The following TIAM1 variants were observed in gnomAD, a reference collection of about 807,000 sequenced individuals.
The protein encoded by TIAM1 is rho guanine nucleotide exchange factor TIAM1.
In TIAM1, 65 loss-of-function variants were observed where a neutral mutation model predicts 163.5. The observed-to-expected ratio is 0.40, with a 90% CI of 0.33 to 0.49. The LOEUF is 0.49. TIAM1 is among the 20% of genes least tolerant of loss of function. The probability of loss-of-function intolerance (pLI) is 0.77; values close to 1 mark genes in which losing one functional copy is unlikely to be tolerated. For missense variants in TIAM1, 1,789 were observed against 2,044.7 expected (o/e 0.87, Z 2.41); for synonymous variants, 833 against 810.1 (o/e 1.03, Z -0.48).
chr21:31,339,232 G>T lies in TIAM1; in HGVS notation c.-189+11C>A, dbSNP rs1025928811. 2.5e-6 allele frequency: 1 copy of T among 397,752 alleles called. No individual in the cohort carries two copies. 24.6% of individuals were successfully genotyped at this position (397,752 alleles called of 1,614,324 possible). ...CCTCATTCCCCAGCCTTTTGCAAAC[G>T]CCACACTTACCCCATTGGAAACAGA... On this transcript the variant is annotated intron_variant, in intron 2 of 27. Coordinates refer to ENST00000541036, the MANE Select transcript of TIAM1 (RefSeq NM_001353694.2).
intron 5 of TIAM1, among the ~76,000 whole-genome samples, chr21:31,251,497 A>G (rs1246232795): frequency 6.6e-6 from 1 of 152,200 alleles, no homozygotes; most frequent in Non-Finnish European, 1.5e-5. Context: ...CCAGATGACT[A>G]GATTCTAGAA....
At chr21:31,302,177 A>T (rs2074532375) in intron 2 of TIAM1, among the ~76,000 whole-genome samples, 1 of 152,080 alleles carries the variant, frequency 6.6e-6, no homozygotes, top group Admixed American at 6.6e-5. Flanking sequence ...TAAAAAATGT[A>T]TATATCTCCA....
intron 2 of TIAM1, among the ~76,000 whole-genome samples, chr21:31,298,622 A>G (rs1420091726): frequency 6.6e-6 from 1 of 152,020 alleles, no homozygotes; most frequent in African/African-American, 2.4e-5. Context: ...ATCAACCATA[A>G]AAGTACCACA....
chr21:31,210,786 G>GA (rs371525859), intron 10 of TIAM1, among the ~76,000 whole-genome samples: 5 of 140,920 alleles, frequency 3.5e-5, no homozygotes, highest in Non-Finnish European at 7.4e-5. Flanking sequence ...AAGAAAGAAA[G>GA]AAAGAAAGAA....
chr21:31,319,530 G>C (rs2075240537), intron 2 of TIAM1, among the ~76,000 whole-genome samples: 1 of 152,026 alleles, frequency 6.6e-6, no homozygotes, highest in Non-Finnish European at 1.5e-5. Context: ...TGTAATCCCA[G>C]CACTTTGGGA....
intron 19 of TIAM1, among the ~76,000 whole-genome samples, chr21:31,152,021 CTTTTTTTTTTT>C (rs754817467): frequency 2.7e-5 from 3 of 112,298 alleles, no homozygotes; most frequent in South Asian, 3.1e-4. Flanking sequence ...CCAGAAGTGC[CTTTTTTTTTTT>C]TTTTTTTTTT....
At position 31,460,812 on chromosome 21, in the gene TIAM1, T is replaced by G. The variant is rs542823399; in HGVS notation, c.-369+3171A>C. Among the ~76,000 whole-genome samples, 190 of 152,348 alleles carry G rather than the reference T, an allele frequency of 1.2e-3. 1 individual carries two copies. The highest frequency in any genetic ancestry group is 4.4e-3 in the African/African-American group (183 of 41,578). Reference sequence around the variant, plus strand: ...ATCTTTGGTAAGCTATTTTACTGTTTTAATTCTTTTCTTCCACCATTTTTA... The same window carrying G: ...ATCTTTGGTAAGCTATTTTACTGTTGTAATTCTTTTCTTCCACCATTTTTA... On this transcript the variant is annotated intron_variant, in intron 2 of 28. Transcript: ENST00000286827.
At chr21:31,158,948 G>T (rs2083762296) in intron 16 of TIAM1, among the ~76,000 whole-genome samples, 1 of 152,128 alleles carries the variant, frequency 6.6e-6, no homozygotes, top group Non-Finnish European at 1.5e-5. Flanking sequence ...ACCAAGCGCT[G>T]TAGCCACAAG....
At chr21:31,528,204 A>G (rs932163583) in intron 1 of TIAM1, among the ~76,000 whole-genome samples, 1 of 152,162 alleles carries the variant, frequency 6.6e-6, no homozygotes, top group African/African-American at 2.4e-5. Flanking sequence ...TGCACTAAGT[A>G]TGTGACCTCT....
At chr21:31,143,330 T>C (rs1174254503) in intron 20 of TIAM1, among the ~76,000 whole-genome samples, 1 of 152,216 alleles carries the variant, frequency 6.6e-6, no homozygotes, top group Admixed American at 6.5e-5. Flanking sequence ...AAATTTAACA[T>C]GGCACTCCAG....
chr21:31,197,930 A>C (rs965948102), intron 12 of TIAM1, among the ~76,000 whole-genome samples: 2 of 152,292 alleles, frequency 1.3e-5, no homozygotes, highest in African/African-American at 4.8e-5. Flanking sequence ...ATCAGCCTTC[A>C]CTGGAACACA....
intron 8 of TIAM1, among the ~76,000 whole-genome samples, chr21:31,220,773 G>A (rs1035469869): frequency 6.6e-6 from 1 of 152,196 alleles, no homozygotes; most frequent in Admixed American, 6.5e-5. Context: ...AAGAACTGCT[G>A]GACCAGAGCT....
intron 2 of TIAM1, among the ~76,000 whole-genome samples, chr21:31,307,600 G>A (rs2074764104): frequency 6.6e-6 from 1 of 152,148 alleles, no homozygotes; most frequent in Admixed American, 6.5e-5. Flanking sequence ...GGAAATTGGG[G>A]AGGTGGGTGC....
intron 1 of TIAM1, among the ~76,000 whole-genome samples, chr21:31,468,970 TC>T (rs1281946375): frequency 3.3e-5 from 5 of 151,226 alleles, no homozygotes; most frequent in Non-Finnish European, 4.4e-5. Context: ...CCCTGCTTCC[TC>T]CCCACAGCAG....
chr21:31,492,726 C>T (rs903161755), intron 1 of TIAM1, among the ~76,000 whole-genome samples: 1 of 150,918 alleles, frequency 6.6e-6, no homozygotes, highest in South Asian at 2.1e-4. Flanking sequence ...CACTGTTAAT[C>T]TTGGCAAAAT....
At chr21:31,187,621 C>T (rs145742119) in intron 13 of TIAM1, among the ~76,000 whole-genome samples, 1 of 152,196 alleles carries the variant, frequency 6.6e-6, no homozygotes, top group African/African-American at 2.4e-5. Context: ...GAAACTGTAC[C>T]TGATTTCACA....
At chr21:31,413,972 T>C (rs1406906788) in intron 2 of TIAM1, among the ~76,000 whole-genome samples, 1 of 152,134 alleles carries the variant, frequency 6.6e-6, no homozygotes, top group East Asian at 1.9e-4. Flanking sequence ...ATGGGAGTGG[T>C]GCATTCTTCC....
intron 1 of TIAM1, among the ~76,000 whole-genome samples, chr21:31,499,639 C>T (rs750746757): frequency 6.6e-6 from 1 of 151,524 alleles, no homozygotes; most frequent in Non-Finnish European, 1.5e-5. Flanking sequence ...ATAACAAGGT[C>T]AGGAGTTCAA....
chr21:31,251,933 G>A lies in TIAM1; in HGVS notation c.1220C>T (p.Ala407Val), dbSNP rs1435092192. The change falls in exon 5 of 28, where the codon GCG becomes GTG. Residue 407 changes from alanine to valine, a missense_variant. Ala to Val is a moderately conservative substitution (Grantham distance 64). This residue lies in a region of TIAM1 where 555 missense variants were observed against 564.9 expected (regional missense o/e 0.98). Transcript: ENST00000541036. ...GCCGCTGCTCTGCTCATCGCTGTGC[G>A]CCGAGCCGGCCTCCTCCAGGCTCTC... ...NSESLEEAGSAHSDEQSSGTL... is the reference protein window; with the variant it reads ...NSESLEEAGSVHSDEQSSGTL... 2.3e-5 allele frequency: 37 copies of A among 1,613,580 alleles called. No homozygotes were observed. Among genetic ancestry groups the A allele is most frequent in the Admixed American group, 1.2e-4 (7 of 59,986 alleles).
Sources: gnomAD v4.1 joint callset for allele counts (sites outside exome capture counted in the v4.1 genomes callset) on GRCh38, gnomAD v4.1.1 for gene constraint, gnomAD v4.1.1 regional missense constraint, MANE v1.5 for transcripts, NCBI Gene and HGNC (gene_info 2026-07-23, HGNC 2026-07-21) for gene names.